The following TASOR variants were observed in gnomAD, a reference collection of about 807,000 sequenced individuals.
The protein encoded by TASOR is protein TASOR.
A neutral mutation model predicts 178.6 loss-of-function variants in TASOR; 53 were observed. The ratio of observed to expected loss-of-function variants is 0.30; its 90% confidence interval spans 0.24 to 0.37. TASOR has a LOEUF of 0.37. Among genes scored for constraint, TASOR ranks in the 10% least tolerant of loss-of-function variants. The pLI is 1.00. For synonymous variants in TASOR, 713 were observed against 696.2 expected (o/e 1.02, Z -0.38); for missense variants, 1,815 against 1,971.4 (o/e 0.92, Z 1.50).
chr3:56,662,128 C>A, intron 9 of TASOR, among the ~76,000 whole-genome samples: 1 of 132,802 alleles, frequency 7.5e-6, no homozygotes. Context: ...GAAACTCCGT[C>A]TCAAAAAAAA....
chr3:56,643,816 CA>C (rs1337483282), intron 14 of TASOR, among the ~76,000 whole-genome samples: 6 of 148,406 alleles, frequency 4.0e-5, no homozygotes, highest in Non-Finnish European at 7.5e-5. Context: ...CCTTCAGAAA[CA>C]AAGTATGCAA....
Position 56,627,565 on chromosome 3 carries a change from A to G in TASOR, c.4030+17T>C, listed in dbSNP as rs766928544. 4 of 1,613,464 alleles carry G rather than the reference A, an allele frequency of 2.5e-6. No homozygotes were observed. Among genetic ancestry groups the G allele is most frequent in the Non-Finnish European group, 3.4e-6 (4 of 1,179,814 alleles). ...AGTCAGAAGAGGAGTTACGTGCTCA[A>G]AAGAACATCATCTTACCAACTGTGA... On this transcript the variant is annotated intron_variant, in intron 20 of 23. Coordinates refer to ENST00000683822, the MANE Select transcript of TASOR (RefSeq NM_001365635.2).
At chr3:56,644,678 G>A (rs891275109) in intron 14 of TASOR, among the ~76,000 whole-genome samples, 1 of 142,538 alleles carries the variant, frequency 7.0e-6, no homozygotes, top group Non-Finnish European at 1.5e-5. Context: ...ACATGATACT[G>A]AAACGGGTGC....
At chr3:56,642,364 T>A (rs2077142245) in intron 14 of TASOR, among the ~76,000 whole-genome samples, 1 of 152,274 alleles carries the variant, frequency 6.6e-6, no homozygotes, top group African/African-American at 2.4e-5. Flanking sequence ...AGACATGGTT[T>A]CATGCATGCA....
chr3:56,674,489 TGAGA>T (rs967162931), intron 1 of TASOR, among the ~76,000 whole-genome samples: 7 of 151,410 alleles, frequency 4.6e-5, no homozygotes, highest in South Asian at 2.1e-4. Context: ...AGTCTGGGAG[TGAGA>T]GAGAGACCCT....
In TASOR at chr3:56,648,882, C is replaced by T. The variant is rs1248982789; in HGVS notation, c.1453G>A (p.Ala485Thr). ...AAAGCATGTAGGACTCGAGACTTGG[C>T]AGTCTGATATTCTAAAAAACAGAAG... ...QMVPPYEYQT[A>T]KSRVLHALFL... Residue 485 changes from alanine to threonine, a missense_variant, in exon 13 of 24, where the codon GCC becomes ACC. Ala to Thr is a moderately conservative substitution (Grantham distance 58, BLOSUM62 0). Around this residue, in one of 5 missense-constraint regions of TASOR, gnomAD observed 504 missense variants for 645.3 expected, o/e 0.78. Coordinates refer to ENST00000683822, the MANE Select transcript of TASOR (RefSeq NM_001365635.2). The T allele has an allele frequency of 6.2e-7, 1 of 1,611,456 alleles. No individual in the cohort carries two copies. The highest frequency in any genetic ancestry group is 1.1e-5 in the South Asian group (1 of 90,122).
Position 56,683,100 on chromosome 3 carries a change from T to C in TASOR, c.-94A>G, listed in dbSNP as rs1015745761. 2.7e-5 allele frequency: 36 copies of C among 1,347,518 alleles called. No individual in the cohort carries two copies. The highest frequency in any genetic ancestry group is 3.5e-5 in the Non-Finnish European group (36 of 1,016,480). The allele number at this position is 1,347,518 out of a possible 1,614,324, so 83.5% of individuals were successfully genotyped here. ...CGGGCCAGTCTCGCCGCCGAGCTGC[T>C]CTCAGCCCACCCACCCCCTTCCCCC... On this transcript the variant is annotated 5_prime_UTR_variant, in exon 1 of 24. Transcript: ENST00000683822.
At chr3:56,672,342 C>T (rs774416465) in intron 2 of TASOR, among the ~76,000 whole-genome samples, 6 of 152,164 alleles carry the variant, frequency 3.9e-5, no homozygotes, top group Non-Finnish European at 8.8e-5. Context: ...AACAAATAAT[C>T]GCTACCATAC....
At chr3:56,663,966 G>C (rs1477190426) in intron 7 of TASOR, 2 of 608,760 alleles carry the variant, frequency 3.3e-6, no homozygotes, top group Non-Finnish European at 4.1e-6. Flanking sequence ...CACAGTTCTA[G>C]GTAATAGGAT....
intron 11 of TASOR, among the ~76,000 whole-genome samples, chr3:56,651,259 G>C (rs2077345731): frequency 6.8e-6 from 1 of 146,460 alleles, no homozygotes; most frequent in Non-Finnish European, 1.5e-5. Flanking sequence ...TTAGCTGTTT[G>C]GTTATTCTTA....
At chr3:56,673,879 C>T (rs945522549) in intron 1 of TASOR, among the ~76,000 whole-genome samples, 154 bp from the exon 2 acceptor site, 1 of 132,704 alleles carries the variant, frequency 7.5e-6, no homozygotes, top group African/African-American at 2.9e-5. Context: ...TACTTATTAA[C>T]TCATTGAAAA....
intron 1 of TASOR, among the ~76,000 whole-genome samples, chr3:56,679,940 T>C (rs2031646220): frequency 6.6e-6 from 1 of 152,184 alleles, no homozygotes; most frequent in African/African-American, 2.4e-5. Flanking sequence ...AAAGACGCAC[T>C]TAGTATGTCA....
intron 15 of TASOR, among the ~76,000 whole-genome samples, chr3:56,640,921 T>C (rs1309033610): frequency 1.3e-5 from 2 of 151,942 alleles, no homozygotes; most frequent in East Asian, 3.9e-4. Flanking sequence ...GCGTAAGAAA[T>C]ACCAAGTACC....
chr3:56,672,132 G>A (rs943022403), intron 2 of TASOR, among the ~76,000 whole-genome samples: 1 of 152,120 alleles, frequency 6.6e-6, no homozygotes. Context: ...AAGCACATAA[G>A]ATGTGCTCCA....
At chr3:56,631,997 A>G (rs7620259) in intron 18 of TASOR, among the ~76,000 whole-genome samples, 93,804 of 152,034 alleles carry the variant, frequency 0.62, 31,550 homozygotes, top group East Asian at 0.96. Context: ...AAGATTATCA[A>G]GTTTCTTGAT....
Position 56,661,031 on chromosome 3 carries a change from T to TA in TASOR, c.1161-15_1161-14insT. ...AATTTCTCAGGTCTGAAAGAAAATTTTAAAAACATGTTTGCCTTATCTGTA... is the reference window on the plus strand; with the variant it reads ...AATTTCTCAGGTCTGAAAGAAAATTTATAAAAACATGTTTGCCTTATCTGTA... On this transcript the variant is annotated splice_polypyrimidine_tract_variant and intron_variant, in intron 9 of 23. Coordinates refer to ENST00000683822, the MANE Select transcript of TASOR (RefSeq NM_001365635.2). 6.4e-7 allele frequency: 1 copy of TA among 1,562,928 alleles called. No individual in the cohort carries two copies. Among genetic ancestry groups the TA allele is most frequent in the South Asian group, 1.2e-5 (1 of 86,480 alleles).
At chr3:56,676,010 A>T (rs1193639701) in intron 1 of TASOR, among the ~76,000 whole-genome samples, 1 of 152,264 alleles carries the variant, frequency 6.6e-6, no homozygotes, top group Non-Finnish European at 1.5e-5. Context: ...AGTTATAGCA[A>T]TACAATTAAA....
chr3:56,679,540 A>C (rs1167624690), intron 1 of TASOR, among the ~76,000 whole-genome samples: 2 of 152,234 alleles, frequency 1.3e-5, no homozygotes, highest in Non-Finnish European at 2.9e-5. Flanking sequence ...AAGGCAAGTG[A>C]AAATTTTGTG....
Position 56,647,066 on chromosome 3 carries a change from A to G in TASOR, c.1671T>C (p.Tyr557=), listed in dbSNP as rs766092236. The G allele has an allele frequency of 1.9e-6, 3 of 1,607,516 alleles. No homozygotes were observed. The highest frequency in any genetic ancestry group is 2.2e-5 in the East Asian group (1 of 44,820). ...AACCTCGCTTAAAAAATTCACTTAC[A>G]TACTTTTCAACAACAGAATGAAAAT... ...AINFHSVVEK[Y]VSEFFKRGFG... is the part of the protein sequence containing the mutation. The change falls in exon 14 of 24, where the codon TAT becomes TAC. Residue 557 remains tyrosine, a synonymous_variant. Coordinates refer to ENST00000683822, the MANE Select transcript of TASOR (RefSeq NM_001365635.2).
Sources: allele counts gnomAD v4.1 joint callset (sites outside exome capture counted in the v4.1 genomes callset), GRCh38; gene constraint gnomAD v4.1.1; regional missense constraint gnomAD v4.1.1; transcripts MANE v1.5; gene names NCBI Gene and HGNC (gene_info 2026-07-23, HGNC 2026-07-21).